NTM: variants seen among roughly 807,000 people sequenced by gnomAD.
The protein encoded by NTM is IgLON family member 2.
A neutral mutation model predicts 42.1 loss-of-function variants in NTM; 13 were observed. The observed-to-expected ratio is 0.31, with a 90% CI of 0.20 to 0.49. NTM has a LOEUF of 0.49. NTM is among the 20% of genes least tolerant of loss of function. NTM has a pLI of 0.99. For missense variants in NTM, 373 were observed against 452.8 expected (o/e 0.82, Z 1.60); for synonymous variants, 187 against 179.2 (o/e 1.04, Z -0.35).
intron 1 of NTM, among the ~76,000 whole-genome samples, chr11:131,910,548 G>T (rs917964561): frequency 1.3e-5 from 2 of 151,258 alleles, no homozygotes; most frequent in African/African-American, 2.4e-5. Flanking sequence ...GCGGCACCGG[G>T]AGAAAGTGGC....
At position 132,095,922 on chromosome 11, in the gene NTM, G is replaced by A. The variant is rs181131665; in HGVS notation, c.168-50360G>A. Among the ~76,000 whole-genome samples the A allele has an allele frequency of 2.4e-3, 361 of 152,240 alleles. 2 individuals carry two copies. The highest frequency in any genetic ancestry group is 3.5e-3 in the South Asian group (17 of 4,828). On this transcript the variant is annotated intron_variant, in intron 2 of 8. Transcript: ENST00000683400. ...AAGACTCTTCTCGTGTGTCAGCTGCGGACACTTTGGAGTTGATTAGTTCCA... is the reference window on the plus strand; with the variant it reads ...AAGACTCTTCTCGTGTGTCAGCTGCAGACACTTTGGAGTTGATTAGTTCCA...
intron 1 of NTM, among the ~76,000 whole-genome samples, chr11:131,736,809 A>T (rs923664223): frequency 6.6e-6 from 1 of 152,212 alleles, no homozygotes; most frequent in African/African-American, 2.4e-5. Context: ...ATGAATGAGG[A>T]GAGAGGTGTC....
intron 4 of NTM, among the ~76,000 whole-genome samples, chr11:132,255,109 G>C (rs1229697091): frequency 6.6e-6 from 1 of 152,228 alleles, no homozygotes; most frequent in East Asian, 1.9e-4. Context: ...AGCAGAAAAA[G>C]ATGTGGAAGT....
chr11:132,236,569 T>C (rs757621826), intron 4 of NTM, among the ~76,000 whole-genome samples: 10 of 152,182 alleles, frequency 6.6e-5, no homozygotes, highest in Non-Finnish European at 1.3e-4. Context: ...TTACTAGTGT[T>C]ATTAGGATGA....
chr11:131,726,956 TG>T (rs1393426860), intron 1 of NTM, among the ~76,000 whole-genome samples: 3 of 151,446 alleles, frequency 2.0e-5, no homozygotes, highest in South Asian at 2.1e-4. Flanking sequence ...CCCAAAGCAC[TG>T]GGATTACAGG....
intron 2 of NTM, among the ~76,000 whole-genome samples, chr11:132,030,159 C>A (rs1159020846): frequency 6.6e-6 from 1 of 152,120 alleles, no homozygotes; most frequent in African/African-American, 2.4e-5. Context: ...CCATCTACAC[C>A]TAAACACACT....
intron 6 of NTM, among the ~76,000 whole-genome samples, chr11:132,311,425 T>TGAAA (rs1216064071): frequency 6.6e-6 from 1 of 152,158 alleles, no homozygotes; most frequent in South Asian, 2.1e-4. Context: ...ATTTTACAGA[T>TGAAA]GAAAGAACTA....
chr11:132,207,585 A>T (rs1005844706), intron 3 of NTM, among the ~76,000 whole-genome samples: 2 of 152,194 alleles, frequency 1.3e-5, no homozygotes, highest in South Asian at 4.1e-4. Flanking sequence ...TCCCCAGTTC[A>T]TGGAAAAAAT....
chr11:131,840,377 A>T (rs1211383154), intron 1 of NTM, among the ~76,000 whole-genome samples: 1 of 152,200 alleles, frequency 6.6e-6, no homozygotes, highest in Non-Finnish European at 1.5e-5. Context: ...AAGCCATGTG[A>T]GGAAGGCACA....
intron 1 of NTM, among the ~76,000 whole-genome samples, chr11:131,584,890 C>T (rs571979701): frequency 5.8e-4 from 88 of 152,180 alleles, no homozygotes; most frequent in Non-Finnish European, 1.1e-3. Context: ...AGTGCTGCAT[C>T]GGGCCTGGTG....
At chr11:131,811,864 A>G (rs2136315527) in intron 1 of NTM, among the ~76,000 whole-genome samples, 1 of 152,356 alleles carries the variant, frequency 6.6e-6, no homozygotes, top group East Asian at 1.9e-4. Flanking sequence ...AATGGCCTCT[A>G]AAGATAAAAT....
intron 2 of NTM, among the ~76,000 whole-genome samples, chr11:131,965,617 C>T (rs183758127): frequency 1.1e-3 from 172 of 152,242 alleles, no homozygotes; most frequent in African/African-American, 3.7e-3. Context: ...AGAAGCTTAA[C>T]GAGGTTGAGT....
At chr11:131,924,306 G>T (rs896323092) in intron 2 of NTM, among the ~76,000 whole-genome samples, 1 of 152,150 alleles carries the variant, frequency 6.6e-6, no homozygotes, top group African/African-American at 2.4e-5. Flanking sequence ...CTGTCCCAAC[G>T]CATCATGTGG....
chr11:131,502,281 G>T (rs2046931424), intron 1 of NTM, among the ~76,000 whole-genome samples: 1 of 152,144 alleles, frequency 6.6e-6, no homozygotes, highest in African/African-American at 2.4e-5. Flanking sequence ...CCTCGAGAGA[G>T]AGAGAGTCCT....
chr11:131,763,733 T>TTTTTTTTTTTTTTTTTTTTTTTTTTTTTC (rs2084645919), intron 1 of NTM, among the ~76,000 whole-genome samples: 1 of 144,368 alleles, frequency 6.9e-6, no homozygotes, highest in Non-Finnish European at 1.5e-5. Flanking sequence ...TTTTTTTTTT[T>TTTTTTTTTTTTTTTTTTTTTTTTTTTTTC]TTGGCATTGC....
chr11:131,765,920 G>A (rs140759474), intron 1 of NTM, among the ~76,000 whole-genome samples: 48 of 152,330 alleles, frequency 3.2e-4, no homozygotes, highest in Non-Finnish European at 6.2e-4. Flanking sequence ...AGAAGAGGCA[G>A]TTTCTGAGTT....
chr11:132,073,495 A>C (rs553337069), intron 2 of NTM, among the ~76,000 whole-genome samples: 1 of 152,332 alleles, frequency 6.6e-6, no homozygotes, highest in Non-Finnish European at 1.5e-5. Flanking sequence ...GTATTGTTAA[A>C]AGGACATATG....
At chr11:132,269,114 A>C (rs1291161962) in intron 4 of NTM, among the ~76,000 whole-genome samples, 1 of 152,184 alleles carries the variant, frequency 6.6e-6, no homozygotes, top group Non-Finnish European at 1.5e-5. Context: ...GTGAGGCAAA[A>C]GGAAAAAACT....
At chr11:132,069,155 C>A (rs2056984569) in intron 2 of NTM, among the ~76,000 whole-genome samples, 1 of 150,922 alleles carries the variant, frequency 6.6e-6, no homozygotes, top group African/African-American at 2.4e-5. Flanking sequence ...TCAAACTGAC[C>A]ATCACAGGTT....
Sources: gnomAD v4.1 joint callset for allele counts (sites outside exome capture counted in the v4.1 genomes callset) on GRCh38, gnomAD v4.1.1 for gene constraint, MANE v1.5 for transcripts, NCBI Gene and HGNC (gene_info 2026-07-23, HGNC 2026-07-21) for gene names.